The following NRXN1 variants were observed in gnomAD, a reference collection of about 807,000 sequenced individuals.
The protein encoded by NRXN1 is neurexin 1, also known as neurexin-1.
NRXN1 carries 39 observed loss-of-function variants against 150.9 expected under a neutral mutation model. The ratio of observed to expected loss-of-function variants is 0.26; its 90% confidence interval spans 0.20 to 0.34. The LOEUF (loss-of-function observed/expected upper bound fraction) is 0.34, where lower values mean the gene tolerates loss of function less well. NRXN1 is among the 10% of genes least tolerant of loss of function. The pLI is 1.00. For synonymous variants in NRXN1, 924 were observed against 757.0 expected, an observed-to-expected ratio of 1.22 and a Z score of -3.62; for missense variants, 1,815 against 1,949.9, an observed-to-expected ratio of 0.93 and a Z score of 1.30.
chr2:50,683,552 A>T (rs1484726385), intron 5 of NRXN1, among the ~76,000 whole-genome samples: 2 of 144,728 alleles, frequency 1.4e-5, no homozygotes, highest in Non-Finnish European at 3.0e-5. Flanking sequence ...TAATGGTGTG[A>T]ACCCGGGAGG....
intron 17 of NRXN1, among the ~76,000 whole-genome samples, chr2:50,395,355 C>T (rs1432955487): frequency 6.6e-6 from 1 of 151,306 alleles, no homozygotes; most frequent in South Asian, 2.1e-4. Context: ...AGGAACCCAA[C>T]AAAGATCACT....
chr2:49,994,895 T>G (rs1682674410), intron 21 of NRXN1, among the ~76,000 whole-genome samples: 1 of 152,210 alleles, frequency 6.6e-6, no homozygotes, highest in African/African-American at 2.4e-5. Context: ...ATCACTGAAG[T>G]GTGAGAAACA....
At chr2:50,247,939 A>C (rs968172551) in intron 17 of NRXN1, among the ~76,000 whole-genome samples, 1 of 152,162 alleles carries the variant, frequency 6.6e-6, no homozygotes, top group Non-Finnish European at 1.5e-5. Context: ...AATTTTTTAT[A>C]ACTTTTTTGT....
chr2:50,474,774 T>C (rs10181317), intron 15 of NRXN1, among the ~76,000 whole-genome samples: 8,037 of 145,292 alleles, frequency 0.055, 849 homozygotes, highest in African/African-American at 0.2. Flanking sequence ...AGCACCTGAG[T>C]TGTGACTCTA....
chr2:50,256,501 A>G (rs1321769828), intron 17 of NRXN1, among the ~76,000 whole-genome samples: 1 of 152,152 alleles, frequency 6.6e-6, no homozygotes, highest in Non-Finnish European at 1.5e-5. Flanking sequence ...AAATTTTGAT[A>G]CTTCAATAAC....
At chr2:50,105,379 G>C (rs1235510675) in intron 18 of NRXN1, 2 of 152,010 alleles carry the variant, frequency 1.3e-5, no homozygotes, top group East Asian at 3.9e-4. Flanking sequence ...GTTTAATTGA[G>C]ATTCTGGAGT....
At chr2:51,008,125 T>C (rs978451970) in intron 2 of NRXN1, among the ~76,000 whole-genome samples, 2 of 151,946 alleles carry the variant, frequency 1.3e-5, no homozygotes, top group African/African-American at 4.8e-5. Flanking sequence ...ATGTATCATT[T>C]GGTTGGGAAA....
intron 21 of NRXN1, among the ~76,000 whole-genome samples, chr2:49,987,912 C>T (rs1681213781): frequency 6.6e-6 from 1 of 151,756 alleles, no homozygotes; most frequent in Admixed American, 6.6e-5. Flanking sequence ...TGTAATTTCA[C>T]AATTACAAAA....
Position 50,859,356 on chromosome 2 carries a change from A to T in NRXN1, c.832+62513T>A, listed in dbSNP as rs576432926. Among the ~76,000 whole-genome samples the T allele has an allele frequency of 5.3e-5, 8 of 152,184 alleles. No homozygotes were observed. In the South Asian group the frequency reaches 1.7e-3, roughly 32 times the overall value. On this transcript the variant is annotated intron_variant, in intron 5 of 22. Transcript: ENST00000401669. Reference sequence around the variant, plus strand: ...CAGAAGCCAGATTTGGCAAGAGAGAAAAGGGAAAATATTTAAGTGTCAATG... The same window carrying T: ...CAGAAGCCAGATTTGGCAAGAGAGATAAGGGAAAATATTTAAGTGTCAATG...
chr2:50,899,354 C>G (rs1462315822), intron 5 of NRXN1, among the ~76,000 whole-genome samples: 1 of 152,090 alleles, frequency 6.6e-6, no homozygotes, highest in Non-Finnish European at 1.5e-5. Flanking sequence ...AATGCTTTGA[C>G]AATGACAAAT....
intron 2 of NRXN1, among the ~76,000 whole-genome samples, chr2:51,022,657 T>C (rs1324528789): frequency 4.6e-5 from 7 of 152,148 alleles, no homozygotes; most frequent in African/African-American, 1.4e-4. Context: ...TTTCCTACAA[T>C]GGCAGACTTC....
chr2:50,486,420 A>T (rs900321756), intron 15 of NRXN1, among the ~76,000 whole-genome samples: 3 of 152,214 alleles, frequency 2.0e-5, no homozygotes, highest in African/African-American at 7.2e-5. Context: ...CGCAGCCAAA[A>T]GACATTTAAT....
intron 15 of NRXN1, among the ~76,000 whole-genome samples, 153 bp downstream of exon 15, chr2:50,495,752 A>C (rs1442011146): frequency 6.6e-6 from 1 of 152,142 alleles, no homozygotes; most frequent in Non-Finnish European, 1.5e-5. Flanking sequence ...AGGGGAGCAG[A>C]GGCTTGTGTG....
At position 50,683,646 on chromosome 2, in the gene NRXN1, A is replaced by AAAAAAAATATATATAT; in HGVS notation, c.833-60032_833-60031insATATATATATTTTTTT. On this transcript the variant is annotated intron_variant, in intron 5 of 22. Coordinates refer to ENST00000401669, the MANE Select transcript of NRXN1 (RefSeq NM_001330078.2). ...GACTCCGTCTCAAAAAAAAAAAAAAAATATATATATATATATATATGTTAT... is the reference window on the plus strand; with the variant it reads ...GACTCCGTCTCAAAAAAAAAAAAAAAAAAAAAATATATATATATATATATATATATATATATGTTAT... Among the ~76,000 whole-genome samples, 52 of 14,892 alleles carry AAAAAAAATATATATAT rather than the reference A, an allele frequency of 3.5e-3. 4 individuals are homozygous for AAAAAAAATATATATAT. Among genetic ancestry groups the AAAAAAAATATATATAT allele is most frequent in the Non-Finnish European group, 5.6e-3 (51 of 9,184 alleles). 9.8% of individuals were successfully genotyped at this position (14,892 alleles called of 152,430 possible). A position where few individuals can be genotyped will look rare whatever the true frequency, so the allele number is the denominator to read the frequency against.
chr2:50,344,358 T>G (rs1270795738), intron 17 of NRXN1, among the ~76,000 whole-genome samples: 1 of 152,106 alleles, frequency 6.6e-6, no homozygotes, highest in Non-Finnish European at 1.5e-5. Context: ...AGGGGTTGGT[T>G]ACTGACATGT....
At chr2:50,447,065 T>C (rs2104497094) in intron 17 of NRXN1, among the ~76,000 whole-genome samples, 1 of 152,310 alleles carries the variant, frequency 6.6e-6, no homozygotes, top group East Asian at 1.9e-4. Context: ...AACTGTCATG[T>C]AGTGAGTAGA....
chr2:50,692,206 T>C (rs1244815631), intron 5 of NRXN1, among the ~76,000 whole-genome samples: 1 of 152,320 alleles, frequency 6.6e-6, no homozygotes, highest in East Asian at 1.9e-4. Flanking sequence ...TAATCCTCTA[T>C]AAGAAAAGCA....
At chr2:50,395,720 C>G (rs967912167) in intron 17 of NRXN1, among the ~76,000 whole-genome samples, 2 of 152,124 alleles carry the variant, frequency 1.3e-5, no homozygotes, top group African/African-American at 4.8e-5. Flanking sequence ...GTTCCTGTGA[C>G]AACTCCATGA....
intron 5 of NRXN1, among the ~76,000 whole-genome samples, chr2:50,735,990 G>A (rs1698690865): frequency 6.6e-6 from 1 of 152,070 alleles, no homozygotes; most frequent in Non-Finnish European, 1.5e-5. Flanking sequence ...GGTCATATTA[G>A]CTCTTCATAA....
Sources: allele counts gnomAD v4.1 joint callset (sites outside exome capture counted in the v4.1 genomes callset), GRCh38; gene constraint gnomAD v4.1.1; transcripts MANE v1.5; gene names NCBI Gene and HGNC (gene_info 2026-07-23, HGNC 2026-07-21).